The following GFOD1 variants were observed in gnomAD, a reference collection of about 807,000 sequenced individuals.
The protein encoded by GFOD1 is Gfo/Idh/MocA-like oxidoreductase domain containing 1.
A neutral mutation model predicts 25.4 loss-of-function variants in GFOD1; 9 were observed. The ratio of observed to expected loss-of-function variants is 0.35; its 90% CI spans 0.21 to 0.62. The LOEUF is 0.62. Ranked by LOEUF, GFOD1 falls within the 20% of genes least tolerant of loss-of-function variation. The probability of loss-of-function intolerance (pLI) is 0.72; values close to 1 mark genes in which losing one functional copy is unlikely to be tolerated. For synonymous variants in GFOD1, 253 were observed against 245.6 expected (o/e 1.03, Z -0.28); for missense variants, 403 against 556.9 (o/e 0.72, Z 2.78).
In GFOD1 at chr6:13,430,894, CCTT is replaced by C. The variant is rs1757737906; in HGVS notation, c.253+55741_253+55743del. ...ACTCCATCTCCAACTTTTCAGGTAA[CCTT>C]CTCCTGCCCTCTCTACAGTCCAGCC... On this transcript the variant is annotated intron_variant, in intron 1 of 1. Transcript: ENST00000379287. This position sits in a 1 kb window ranked among gnomAD's most constrained non-coding sequence, Gnocchi z 4.1. Among the ~76,000 whole-genome samples the C allele has an allele frequency of 1.3e-5, 2 of 152,196 alleles. No individual in the cohort carries two copies. Among genetic ancestry groups the C allele is most frequent in the South Asian group, 4.1e-4 (2 of 4,830 alleles).
In GFOD1 at chr6:13,458,638, A is replaced by G. The variant is rs188501492; in HGVS notation, c.253+28000T>C. Among the ~76,000 whole-genome samples, 40 of 151,670 alleles carry G rather than the reference A, an allele frequency of 2.6e-4. 1 individual carries two copies. The highest frequency in any genetic ancestry group is 8.2e-4 in the African/African-American group (34 of 41,324). On this transcript the variant is annotated intron_variant, in intron 1 of 1. Coordinates refer to ENST00000379287, the MANE Select transcript of GFOD1 (RefSeq NM_018988.4). ...TCCTCTTCTACAAAATGGTACTAAT[A>G]CCTGCATTATAGGGTTGTTGGGACC...
At chr6:13,431,141 G>A (rs1562217122) in intron 1 of GFOD1, among the ~76,000 whole-genome samples, 1 of 152,194 alleles carries the variant, frequency 6.6e-6, no homozygotes, top group Non-Finnish European at 1.5e-5. Context: ...TTGGAGAAGG[G>A]AAACTGAAAT....
At chr6:13,391,444 G>A (rs1055575920) in intron 1 of GFOD1, among the ~76,000 whole-genome samples, 1 of 146,268 alleles carries the variant, frequency 6.8e-6, no homozygotes, top group African/African-American at 2.5e-5. Flanking sequence ...GTTGCAGTGA[G>A]CTGAGATTGT....
intron 1 of GFOD1, among the ~76,000 whole-genome samples, chr6:13,400,575 A>C (rs1785822643): frequency 6.6e-6 from 1 of 152,238 alleles, no homozygotes; most frequent in Non-Finnish European, 1.5e-5. Flanking sequence ...TTTAGGAGTA[A>C]TTCGAAGCAG....
intron 1 of GFOD1, among the ~76,000 whole-genome samples, chr6:13,416,109 A>G (rs1187098730): frequency 2.0e-5 from 3 of 152,178 alleles, no homozygotes; most frequent in Admixed American, 6.5e-5. Flanking sequence ...CCGATGGTTT[A>G]AAAGTGTTTG....
Position 13,364,793 on chromosome 6 carries a change from A to G in GFOD1, c.1123T>C (p.Tyr375His). The G allele has an allele frequency of 6.2e-7, 1 of 1,613,968 alleles. No individual in the cohort carries two copies. The highest frequency in any genetic ancestry group is 2.2e-5 in the East Asian group (1 of 44,882). Residue 375 changes from tyrosine to histidine, a missense_variant, in exon 2 of 2, where the codon TAC becomes CAC. Tyr to His is a moderately conservative substitution (Grantham distance 83). Coordinates refer to ENST00000379287, the MANE Select transcript of GFOD1 (RefSeq NM_018988.4). The surrounding 1 kb of genome is among the most constrained non-coding windows in gnomAD (Gnocchi z 4.1). ...MTEEPELSPA[Y>H]LISEAMRRSR... The stretch of plus-strand genomic sequence containing the variant: ...CGGCGCATGGCCTCGCTGATCAGGT[A>G]GGCGGGGCTCAGCTCCGGCTCCTCG...
At chr6:13,420,388 A>C (rs754625020) in intron 1 of GFOD1, among the ~76,000 whole-genome samples, 3 of 152,218 alleles carry the variant, frequency 2.0e-5, no homozygotes, top group Non-Finnish European at 4.4e-5. Context: ...TCAGATCCCA[A>C]GCGTAGTCCA....
At chr6:13,444,276 C>T (rs1562221015) in intron 1 of GFOD1, among the ~76,000 whole-genome samples, 1 of 152,048 alleles carries the variant, frequency 6.6e-6, no homozygotes. Flanking sequence ...CCAAATACCA[C>T]ATGTTCTCAC....
At position 13,358,902 on chromosome 6, in the gene GFOD1, A is replaced by G. The variant is rs2127552992; in HGVS notation, c.*5841T>C. The G allele has an allele frequency of 6.6e-6, 1 of 152,396 alleles. No homozygotes were observed. Among genetic ancestry groups the G allele is most frequent in the African/African-American group, 2.4e-5 (1 of 41,590 alleles). 9.4% of individuals were successfully genotyped at this position (152,396 alleles called of 1,614,324 possible). A position where few individuals can be genotyped will look rare whatever the true frequency, so the allele number is the denominator to read the frequency against. On this transcript the variant is annotated 3_prime_UTR_variant, in exon 2 of 2. Coordinates refer to ENST00000379287, the MANE Select transcript of GFOD1 (RefSeq NM_018988.4). ...AGAAAGGAGTATTCAGTAGTGCAAC[A>G]CTTTGGGAGGCTGAATGAGAGCCAC...
intron 1 of GFOD1, among the ~76,000 whole-genome samples, chr6:13,475,780 C>A: frequency 6.7e-6 from 1 of 149,686 alleles, no homozygotes; most frequent in African/African-American, 2.5e-5. Context: ...AAAAATTAGC[C>A]AGGCATGGTG....
rs1316102567 is a variant in GFOD1, at chr6:13,409,244, AAG to A, written c.254-43584_254-43583del. Among the ~76,000 whole-genome samples the A allele has an allele frequency of 4.2e-5, 5 of 118,682 alleles. 1 individual carries two copies. Among genetic ancestry groups the A allele is most frequent in the Non-Finnish European group, 6.7e-5 (4 of 59,674 alleles). The allele number at this position is 118,682 out of a possible 152,430, so 77.9% of individuals were successfully genotyped here. A position where few individuals can be genotyped will look rare whatever the true frequency, so the allele number is the denominator to read the frequency against. Reference sequence around the variant, plus strand: ...GAGAGAGGAAGGAAGGAAGGAGAGAAAGAGAGAAAGAGAGAGAGAGAGGGAAA... The same window carrying A: ...GAGAGAGGAAGGAAGGAAGGAGAGAAAGAGAAAGAGAGAGAGAGAGGGAAA... On this transcript the variant is annotated intron_variant, in intron 1 of 1. Coordinates refer to ENST00000379287, the MANE Select transcript of GFOD1 (RefSeq NM_018988.4).
chr6:13,454,292 T>C (rs969599415), intron 1 of GFOD1, among the ~76,000 whole-genome samples: 9 of 152,204 alleles, frequency 5.9e-5, no homozygotes, highest in Non-Finnish European at 1.0e-4. Context: ...AATTAATTTC[T>C]GTTGTTTAAG....
At chr6:13,486,416 G>C (rs1758871539) in intron 1 of GFOD1, 1 of 606,632 alleles carries the variant, frequency 1.6e-6, no homozygotes, top group Non-Finnish European at 2.9e-6. Context: ...GGGGAAGCGC[G>C]TCCAAGTGGT....
At position 13,364,905 on chromosome 6, in the gene GFOD1, G is replaced by A. The variant is rs756511292; in HGVS notation, c.1011C>T (p.Phe337=). The A allele has an allele frequency of 1.9e-6, 3 of 1,613,314 alleles. No individual in the cohort carries two copies. Among genetic ancestry groups the A allele is most frequent in the African/African-American group, 1.3e-5 (1 of 74,936 alleles). ...CGCACAAGGCATACAGGCAGTCGTC[G>A]AAGGTGGCGGCCATGGTGAGGGGCC... ...DGRPLTMAAT[F]DDCLYALCVV... is the part of the protein sequence containing the mutation. The change falls in exon 2 of 2, where the codon TTC becomes TTT. Residue 337 remains phenylalanine, a synonymous_variant. Coordinates refer to ENST00000379287, the MANE Select transcript of GFOD1 (RefSeq NM_018988.4). This position sits in a 1 kb window ranked among gnomAD's most constrained non-coding sequence, Gnocchi z 4.1.
At chr6:13,433,427 A>G (rs1757783640) in intron 1 of GFOD1, among the ~76,000 whole-genome samples, 1 of 152,104 alleles carries the variant, frequency 6.6e-6, no homozygotes, top group Non-Finnish European at 1.5e-5. Flanking sequence ...CCTTTGGGTC[A>G]CTTTTTGTTG....
At chr6:13,465,170 A>T (rs991780108) in intron 1 of GFOD1, among the ~76,000 whole-genome samples, 1 of 151,926 alleles carries the variant, frequency 6.6e-6, no homozygotes, top group Non-Finnish European at 1.5e-5. Flanking sequence ...CCTGGGCCAC[A>T]TTGGAAGAAT....
intron 1 of GFOD1, among the ~76,000 whole-genome samples, chr6:13,424,976 T>TTTTTTG (rs61372261): frequency 6.7e-6 from 1 of 149,868 alleles, no homozygotes. Flanking sequence ...TTTTTTTTTT[T>TTTTTTG]GAGATAGGGT....
chr6:13,436,414 T>A (rs529121660), intron 1 of GFOD1, among the ~76,000 whole-genome samples: 1 of 152,234 alleles, frequency 6.6e-6, no homozygotes, highest in African/African-American at 2.4e-5. Context: ...ATCTATCTTT[T>A]AAACATAATT....
Position 13,430,098 on chromosome 6 carries a change from A to G in GFOD1, c.253+56540T>C, listed in dbSNP as rs2127569998. ...TTCCAAGGGTCAGCTATAAAAGGTG[A>G]TCACAGCTTCTGTGTAGCTGCACTC... On this transcript the variant is annotated intron_variant, in intron 1 of 1. Transcript: ENST00000379287. The surrounding 1 kb of genome is among the most constrained non-coding windows in gnomAD (Gnocchi z 4.1). Among the ~76,000 whole-genome samples, 1 of 152,284 alleles carries G rather than the reference A, an allele frequency of 6.6e-6. No homozygotes were observed. Among genetic ancestry groups the G allele is most frequent in the Admixed American group, 6.5e-5 (1 of 15,304 alleles).
Sources: gnomAD v4.1 joint callset for allele counts (sites outside exome capture counted in the v4.1 genomes callset) on GRCh38, gnomAD v4.1.1 for gene constraint, Gnocchi (gnomAD v3.1) non-coding constraint, MANE v1.5 for transcripts, NCBI Gene and HGNC (gene_info 2026-07-23, HGNC 2026-07-21) for gene names.